Variants in CDH18 observed in about 807,000 individuals in gnomAD.
CDH18 encodes the protein cadherin 18.
A neutral mutation model predicts 67.9 loss-of-function variants in CDH18; 31 were observed. The ratio of observed to expected loss-of-function variants is 0.46; its 90% CI spans 0.34 to 0.62. The LOEUF (loss-of-function observed/expected upper bound fraction) is 0.62. Ranked by LOEUF, CDH18 falls within the 20% of genes least tolerant of loss-of-function variation. The pLI is 0.01. For synonymous variants in CDH18, 362 were observed against 347.2 expected (o/e 1.04, Z -0.48); for missense variants, 890 against 975.5 (o/e 0.91, Z 1.17).
intron 2 of CDH18, among the ~76,000 whole-genome samples, chr5:19,870,758 C>T (rs540423994): frequency 3.8e-4 from 58 of 152,224 alleles, no homozygotes; most frequent in Non-Finnish European, 5.3e-4. Context: ...TTAGATGCTA[C>T]GTGGTCCAAG....
At chr5:19,946,411 G>C (rs185361909) in intron 2 of CDH18, among the ~76,000 whole-genome samples, 5 of 152,180 alleles carry the variant, frequency 3.3e-5, no homozygotes, top group Admixed American at 3.3e-4. Context: ...GAAAAACAAT[G>C]AGATGTGTAA....
At chr5:19,754,950 C>A (rs987659919) in intron 3 of CDH18, among the ~76,000 whole-genome samples, 2 of 152,016 alleles carry the variant, frequency 1.3e-5, no homozygotes, top group African/African-American at 4.8e-5. Context: ...TTGAAAAATT[C>A]TTCAAACTGA....
intron 2 of CDH18, among the ~76,000 whole-genome samples, chr5:20,047,749 T>C (rs1741036274): frequency 6.6e-6 from 1 of 151,808 alleles, no homozygotes; most frequent in Non-Finnish European, 1.5e-5. Context: ...ACCTTACAGA[T>C]GTGAAAAGTC....
At chr5:20,051,136 A>C (rs1279363725) in intron 2 of CDH18, among the ~76,000 whole-genome samples, 1 of 151,954 alleles carries the variant, frequency 6.6e-6, no homozygotes, top group African/African-American at 2.4e-5. Context: ...AGGATATAAA[A>C]ATCCTTTTCT....
chr5:20,267,510 T>C (rs555881633), intron 1 of CDH18, among the ~76,000 whole-genome samples: 21 of 152,302 alleles, frequency 1.4e-4, no homozygotes, highest in Admixed American at 1.2e-3. Flanking sequence ...ATTGAATCTA[T>C]AGATTGCTTC....
chr5:20,394,512 G>C (rs1745126469), intron 1 of CDH18, among the ~76,000 whole-genome samples: 1 of 149,018 alleles, frequency 6.7e-6, no homozygotes, highest in Non-Finnish European at 1.5e-5. Context: ...TCTGGGCGTT[G>C]GTCTAGGCAA....
At chr5:19,861,386 G>C (rs370496921) in intron 2 of CDH18, among the ~76,000 whole-genome samples, 1 of 152,104 alleles carries the variant, frequency 6.6e-6, no homozygotes, top group Non-Finnish European at 1.5e-5. Context: ...AGGCTAGGCT[G>C]GGTATACCAG....
chr5:20,329,446 GA>G (rs1353631008), intron 1 of CDH18, among the ~76,000 whole-genome samples: 1 of 151,854 alleles, frequency 6.6e-6, no homozygotes, highest in East Asian at 1.9e-4. Context: ...ATAACCTATG[GA>G]AAAAAATGCT....
At chr5:19,937,492 T>C (rs1794401226) in intron 2 of CDH18, among the ~76,000 whole-genome samples, 1 of 151,328 alleles carries the variant, frequency 6.6e-6, no homozygotes, top group Non-Finnish European at 1.5e-5. Flanking sequence ...AAACAGACAT[T>C]ACAATGGAAT....
chr5:20,250,190 T>C (rs748142765), intron 2 of CDH18, among the ~76,000 whole-genome samples: 2 of 152,230 alleles, frequency 1.3e-5, no homozygotes, highest in Non-Finnish European at 2.9e-5. Flanking sequence ...ACAATTTGTG[T>C]AAAATCTTTT....
intron 5 of CDH18, among the ~76,000 whole-genome samples, chr5:19,714,297 G>C (rs1287537859): frequency 1.3e-5 from 2 of 152,108 alleles, no homozygotes; most frequent in East Asian, 3.9e-4. Flanking sequence ...AACTGCATAT[G>C]TTGCTACCCT....
chr5:20,447,324 A>G (rs1338354603), intron 1 of CDH18, among the ~76,000 whole-genome samples: 1 of 152,098 alleles, frequency 6.6e-6, no homozygotes, highest in Non-Finnish European at 1.5e-5. Context: ...GAAGCCTTTA[A>G]GAGATGATTA....
At chr5:19,666,239 TA>T (rs1344816786) in intron 5 of CDH18, among the ~76,000 whole-genome samples, 7 of 61,072 alleles carry the variant, frequency 1.1e-4, no homozygotes, top group African/African-American at 4.9e-4. Context: ...GTATGATTTT[TA>T]TTATTATTAT....
chr5:19,520,015 G>A (rs536468743), intron 10 of CDH18, among the ~76,000 whole-genome samples: 4 of 152,126 alleles, frequency 2.6e-5, no homozygotes, highest in African/African-American at 7.2e-5. Context: ...TTTAAGTTGC[G>A]GATTTTGTAT....
rs113104678 is a variant in CDH18 at position 19,497,743 on chromosome 5, T to C, written c.1630+5249A>G. On this transcript the variant is annotated intron_variant, in intron 11 of 12. Transcript: ENST00000382275. ...ATGTAATTCTAGGCATAAACACTGC[T>C]AAAGTATTCTCTGGTATGAACTCAG... Among the ~76,000 whole-genome samples, 710 of 152,314 alleles carry C rather than the reference T, an allele frequency of 4.7e-3. 6 individuals carry two copies. The highest frequency in any genetic ancestry group is 0.016 in the African/African-American group (676 of 41,582).
At chr5:20,399,966 A>T (rs951832988) in intron 1 of CDH18, among the ~76,000 whole-genome samples, 4 of 152,210 alleles carry the variant, frequency 2.6e-5, no homozygotes, top group African/African-American at 7.2e-5. Context: ...GTACACTCTT[A>T]CTTTATATAT....
chr5:20,044,245 C>T (rs551388555), intron 2 of CDH18, among the ~76,000 whole-genome samples: 1 of 151,898 alleles, frequency 6.6e-6, no homozygotes, highest in South Asian at 2.1e-4. Context: ...AATGGGGATG[C>T]ACAGATAATG....
intron 2 of CDH18, among the ~76,000 whole-genome samples, chr5:19,880,617 G>A (rs145456265): frequency 0.018 from 2,673 of 152,172 alleles, 37 homozygotes; most frequent in Non-Finnish European, 0.027. Flanking sequence ...GATCAATTTG[G>A]TGTAATCATT....
At chr5:20,231,407 C>A (rs1465558787) in intron 2 of CDH18, among the ~76,000 whole-genome samples, 2 of 151,812 alleles carry the variant, frequency 1.3e-5, no homozygotes, top group African/African-American at 2.4e-5. Flanking sequence ...GTCAGGAGTT[C>A]GAGACCAACA....
Sources: allele counts gnomAD v4.1 joint callset (sites outside exome capture counted in the v4.1 genomes callset), GRCh38; gene constraint gnomAD v4.1.1; transcripts MANE v1.5; gene names NCBI Gene and HGNC (gene_info 2026-07-23, HGNC 2026-07-21).